The following GALNT13 variants were observed in gnomAD, a reference collection of about 807,000 sequenced individuals.
GALNT13 encodes the protein UDP-GalNAc:polypeptide N-acetylgalactosaminyltransferase 13.
A neutral mutation model predicts 64.2 loss-of-function variants in GALNT13; 28 were observed. The observed-to-expected ratio is 0.44, with a 90% CI of 0.32 to 0.60. GALNT13 has a LOEUF of 0.60. Ranked by LOEUF, GALNT13 falls within the 20% of genes least tolerant of loss-of-function variation. GALNT13 has a pLI of 0.05. For synonymous variants in GALNT13, 214 were observed against 224.6 expected, an observed-to-expected ratio of 0.95 and a Z score of 0.42; for missense variants, 577 against 669.8, an observed-to-expected ratio of 0.86 and a Z score of 1.53.
intron 1 of GALNT13, among the ~76,000 whole-genome samples, chr2:153,894,758 A>G (rs762315408): frequency 6.6e-6 from 1 of 152,150 alleles, no homozygotes; most frequent in Non-Finnish European, 1.5e-5. Flanking sequence ...AATAACTCAG[A>G]GTTAATGTAA....
intron 9 of GALNT13, among the ~76,000 whole-genome samples, chr2:154,305,320 G>A (rs1162678761): frequency 6.6e-6 from 1 of 151,884 alleles, no homozygotes; most frequent in East Asian, 1.9e-4. Context: ...AGGAAGGAGG[G>A]GTGGGAGCTA....
the GALNT13 span, among the ~76,000 whole-genome samples, chr2:153,737,793 A>G: frequency 1.3e-5 from 2 of 152,060 alleles, no homozygotes; most frequent in Non-Finnish European, 1.5e-5. Context: ...CTGTAAAATA[A>G]TTATAATTAC....
chr2:154,106,495 A>G (rs1331041730), intron 3 of GALNT13, among the ~76,000 whole-genome samples: 1 of 152,120 alleles, frequency 6.6e-6, no homozygotes, highest in East Asian at 1.9e-4. Context: ...ATATATTTAC[A>G]TGAGTATATT....
the GALNT13 span, among the ~76,000 whole-genome samples, chr2:153,267,537 TG>T: frequency 6.6e-6 from 1 of 152,226 alleles, no homozygotes; most frequent in African/African-American, 2.4e-5. Context: ...AGCTGTATCT[TG>T]GCCCCTTTTA....
chr2:153,705,011 T>A, the GALNT13 span, among the ~76,000 whole-genome samples: 2 of 152,218 alleles, frequency 1.3e-5, no homozygotes, highest in Admixed American at 6.5e-5. Context: ...GGGATGGTCA[T>A]GTCAACCACC....
intron 9 of GALNT13, among the ~76,000 whole-genome samples, chr2:154,351,151 C>T (rs549657446): frequency 6.6e-6 from 1 of 151,992 alleles, no homozygotes; most frequent in Non-Finnish European, 1.5e-5. Context: ...GAAGGACTTG[C>T]AACAACAAAG....
the GALNT13 span, among the ~76,000 whole-genome samples, chr2:153,768,137 C>T: frequency 6.6e-6 from 1 of 152,140 alleles, no homozygotes; most frequent in Non-Finnish European, 1.5e-5. Flanking sequence ...AAAAGACCAA[C>T]AACTGAGTCC....
chr2:154,253,703 G>C (rs994202687), intron 7 of GALNT13, among the ~76,000 whole-genome samples: 8 of 152,096 alleles, frequency 5.3e-5, no homozygotes, highest in Non-Finnish European at 1.2e-4. Context: ...TGAAAATCTT[G>C]CAATTAGTGA....
At chr2:154,114,984 C>T (rs1402762082) in intron 3 of GALNT13, among the ~76,000 whole-genome samples, 2 of 152,276 alleles carry the variant, frequency 1.3e-5, no homozygotes, top group South Asian at 2.1e-4. Flanking sequence ...CTGTGGTTCC[C>T]ACCGTTAGAT....
the GALNT13 span, among the ~76,000 whole-genome samples, chr2:153,160,795 C>T: frequency 6.6e-6 from 1 of 152,068 alleles, no homozygotes; most frequent in African/African-American, 2.4e-5. Context: ...ATAGTGGTAT[C>T]CTTGGAAACT....
the GALNT13 span, among the ~76,000 whole-genome samples, chr2:153,494,362 T>G: frequency 6.6e-6 from 1 of 151,984 alleles, no homozygotes; most frequent in African/African-American, 2.4e-5. Flanking sequence ...GAAAATTAAT[T>G]TGGTGGACAT....
At chr2:153,537,086 G>T in the GALNT13 span, among the ~76,000 whole-genome samples, 1 of 152,198 alleles carries the variant, frequency 6.6e-6, no homozygotes, top group African/African-American at 2.4e-5. Flanking sequence ...GGGTGGAACA[G>T]TCCAGCAAGA....
At chr2:154,320,713 C>T (rs1694574848) in intron 9 of GALNT13, among the ~76,000 whole-genome samples, 1 of 152,174 alleles carries the variant, frequency 6.6e-6, no homozygotes, top group African/African-American at 2.4e-5. Context: ...TCAGGGATCA[C>T]TCTAGCCTGC....
At chr2:153,807,068 A>G in the GALNT13 span, among the ~76,000 whole-genome samples, 52 of 152,176 alleles carry the variant, frequency 3.4e-4, no homozygotes, top group African/African-American at 1.2e-3. Flanking sequence ...TTGGTTACAA[A>G]GGTACTTACC....
the GALNT13 span, among the ~76,000 whole-genome samples, chr2:153,398,586 T>C: frequency 6.6e-6 from 1 of 152,106 alleles, no homozygotes; most frequent in African/African-American, 2.4e-5. Flanking sequence ...CAGCACCTGT[T>C]GTTTCCTGAC....
chr2:153,101,311 G>A, the GALNT13 span, among the ~76,000 whole-genome samples: 1 of 152,234 alleles, frequency 6.6e-6, no homozygotes, highest in East Asian at 1.9e-4. Context: ...CATGGCATGA[G>A]TCTGCTTGCA....
At chr2:153,243,135 A>C in the GALNT13 span, among the ~76,000 whole-genome samples, 1 of 152,092 alleles carries the variant, frequency 6.6e-6, no homozygotes, top group Non-Finnish European at 1.5e-5. Context: ...ACACATCCCC[A>C]CCCTCCACTG....
At chr2:153,780,238 T>G in the GALNT13 span, among the ~76,000 whole-genome samples, 3 of 15,098 alleles carry the variant, frequency 2.0e-4, no homozygotes, top group African/African-American at 4.2e-4. Context: ...TATATATATA[T>G]ATATATATAT....
intron 3 of GALNT13, among the ~76,000 whole-genome samples, chr2:153,962,448 A>T (rs531554560): frequency 1.3e-5 from 2 of 152,284 alleles, no homozygotes; most frequent in Admixed American, 6.5e-5. Context: ...GGTATGTTTG[A>T]CTTATGTGTA....
Sources: gnomAD v4.1 joint callset for allele counts (sites outside exome capture counted in the v4.1 genomes callset) on GRCh38, gnomAD v4.1.1 for gene constraint, MANE v1.5 for transcripts, NCBI Gene and HGNC (gene_info 2026-07-23, HGNC 2026-07-21) for gene names.